The following LRRIQ1 variants were observed in gnomAD, a reference collection of about 807,000 sequenced individuals.
The protein encoded by LRRIQ1 is leucine rich repeats and IQ motif containing 1, also known as leucine-rich repeat- and IQ domain-containing protein 1.
A neutral mutation model predicts 211.9 loss-of-function variants in LRRIQ1; 210 were observed. That is an observed-to-expected ratio of 0.99 (90% CI 0.89 to 1.11). The LOEUF (loss-of-function observed/expected upper bound fraction) is 1.11, where lower values mean the gene tolerates loss of function less well. Among genes scored for constraint, LRRIQ1 ranks in the 50% most tolerant of loss-of-function variants. The pLI, the probability that LRRIQ1 is intolerant of heterozygous loss-of-function variation, is 0.00. For synonymous variants in LRRIQ1, 699 were observed against 650.1 expected, an observed-to-expected ratio of 1.08 and a Z score of -1.14; for missense variants, 2,136 against 1,939.5, an observed-to-expected ratio of 1.10 and a Z score of -1.90.
chr12:85,174,390 A>G (rs1382535921), intron 24 of LRRIQ1, among the ~76,000 whole-genome samples: 1 of 151,950 alleles, frequency 6.6e-6, no homozygotes, highest in Non-Finnish European at 1.5e-5. Flanking sequence ...GAGGTCCAAC[A>G]TTTGATAAAT....
intron 2 of LRRIQ1, among the ~76,000 whole-genome samples, chr12:85,038,916 A>T (rs141593429): frequency 2.6e-5 from 4 of 151,114 alleles, no homozygotes; most frequent in African/African-American, 9.7e-5. Context: ...TTATTTTCCT[A>T]CTGTTGTATA....
intron 11 of LRRIQ1, among the ~76,000 whole-genome samples, chr12:85,097,713 C>T (rs745896542): frequency 6.6e-6 from 1 of 152,144 alleles, no homozygotes; most frequent in Non-Finnish European, 1.5e-5. Context: ...AAACTTTACA[C>T]ACTTCCTCAG....
At chr12:85,200,488 G>A (rs548689808) in intron 24 of LRRIQ1, among the ~76,000 whole-genome samples, 1 of 152,186 alleles carries the variant, frequency 6.6e-6, no homozygotes, top group African/African-American at 2.4e-5. Context: ...ATGACTTCCA[G>A]TACTATGTTA....
chr12:85,215,519 T>C (rs1336027468), intron 24 of LRRIQ1, among the ~76,000 whole-genome samples: 1 of 152,114 alleles, frequency 6.6e-6, no homozygotes, highest in African/African-American at 2.4e-5. Flanking sequence ...CAACCTCCAA[T>C]AGGCCCCAAT....
Position 85,084,091 on chromosome 12 carries a change from T to C in LRRIQ1, c.2887+10993T>C, listed in dbSNP as rs1208278669. ...CAGAGTAAAGCTATTTTTGGAAAAA[T>C]AGATTTTCATATTTGTAAAAATGTA... On this transcript the variant is annotated intron_variant, in intron 11 of 26. Transcript: ENST00000393217. Among the ~76,000 whole-genome samples, 8 of 152,140 alleles carry C rather than the reference T, an allele frequency of 5.3e-5. 1 individual carries two copies. Among genetic ancestry groups the C allele is most frequent in the Admixed American group, 4.6e-4 (7 of 15,270 alleles).
chr12:85,244,799 T>C lies in LRRIQ1; in HGVS notation c.5027T>C (p.Val1676Ala), dbSNP rs1895641033. The change falls in exon 27 of 27, where the codon GTA (valine) becomes GCA (alanine). Residue 1676 changes from valine to alanine, a missense_variant. Coordinates refer to ENST00000393217, the MANE Select transcript of LRRIQ1 (RefSeq NM_001079910.2). ...TTCCATTGCTCCCAGGCAAGACTTG[T>C]AAGCAGAGAAGACACGGATTTAGAC... ...GGRVQLVARL[V>A]SREDTDLDLF... 6.2e-7 allele frequency: 1 copy of C among 1,611,244 alleles called. No homozygotes were observed. The highest frequency in any genetic ancestry group is 8.5e-7 in the Non-Finnish European group (1 of 1,178,028).
intron 6 of LRRIQ1, among the ~76,000 whole-genome samples, chr12:85,049,172 A>G (rs1880002413): frequency 6.6e-6 from 1 of 152,162 alleles, no homozygotes; most frequent in Admixed American, 6.5e-5. Flanking sequence ...CTCTAAATAT[A>G]TAATTTACTT....
At chr12:85,130,065 T>C (rs958714439) in intron 18 of LRRIQ1, among the ~76,000 whole-genome samples, 11 of 152,020 alleles carry the variant, frequency 7.2e-5, no homozygotes, top group Non-Finnish European at 1.6e-4. Context: ...GGCCTTAAAA[T>C]TCAGAAAAAA....
intron 11 of LRRIQ1, among the ~76,000 whole-genome samples, chr12:85,076,338 TAAAA>T (rs1053872329): frequency 1.5e-4 from 23 of 151,962 alleles, no homozygotes; most frequent in African/African-American, 5.3e-4. Context: ...TGAATAAAAA[TAAAA>T]ATAAATATAA....
At chr12:85,254,885 C>T (rs1319106759) in intron 1 of LRRIQ1, among the ~76,000 whole-genome samples, 1 of 151,790 alleles carries the variant, frequency 6.6e-6, no homozygotes, top group Non-Finnish European at 1.5e-5. Context: ...TTACAAAGAA[C>T]TTGAGGAGTG....
rs201365459 is a variant in LRRIQ1, at chr12:85,087,737, G to A, written c.2888-10618G>A. Among the ~76,000 whole-genome samples, 56 of 152,044 alleles carry A rather than the reference G, an allele frequency of 3.7e-4. 2 individuals carry two copies. The East Asian group carries it at 9.3e-3, about 25-fold the overall frequency. ...TCATGTGTCTGTTGGCTGCATAAATGTCTTCTTTTGAGAAGTGTCTGTTCA... is the reference window on the plus strand; with the variant it reads ...TCATGTGTCTGTTGGCTGCATAAATATCTTCTTTTGAGAAGTGTCTGTTCA... On this transcript the variant is annotated intron_variant, in intron 11 of 26. Transcript: ENST00000393217.
intron 6 of LRRIQ1, among the ~76,000 whole-genome samples, chr12:85,049,556 A>G (rs1023958478): frequency 2.6e-5 from 4 of 152,134 alleles, no homozygotes; most frequent in African/African-American, 9.7e-5. Context: ...GTTTATAAGC[A>G]TGTTCAATTT....
At chr12:85,224,833 A>C (rs1046033254) in intron 24 of LRRIQ1, among the ~76,000 whole-genome samples, 1 of 152,130 alleles carries the variant, frequency 6.6e-6, no homozygotes, top group African/African-American at 2.4e-5. Flanking sequence ...GTGTATAGTT[A>C]TATAACAAAA....
chr12:85,262,627 G>T (rs990268059), intron 1 of LRRIQ1, among the ~76,000 whole-genome samples: 1 of 151,906 alleles, frequency 6.6e-6, no homozygotes, highest in Non-Finnish European at 1.5e-5. Flanking sequence ...TCATTTTATA[G>T]TTGTGAAACA....
chr12:85,211,806 T>C (rs1893849997), intron 24 of LRRIQ1, among the ~76,000 whole-genome samples: 1 of 152,292 alleles, frequency 6.6e-6, no homozygotes, highest in East Asian at 1.9e-4. Flanking sequence ...CATTCATAAA[T>C]GATGGGCAAT....
chr12:85,201,243 C>CT (rs752459984), intron 24 of LRRIQ1, among the ~76,000 whole-genome samples: 1,311 of 110,324 alleles, frequency 0.012, 15 homozygotes, highest in African/African-American at 0.031. Context: ...TCTTTCTCTT[C>CT]TTTTTTTTTT....
chr12:85,148,047 A>G (rs1890004737), intron 19 of LRRIQ1, among the ~76,000 whole-genome samples: 1 of 151,856 alleles, frequency 6.6e-6, no homozygotes, highest in South Asian at 2.1e-4. Flanking sequence ...TCCAAGTTCA[A>G]CTTCATTTTC....
chr12:85,239,568 A>G (rs1376510021), intron 26 of LRRIQ1, among the ~76,000 whole-genome samples: 1 of 152,092 alleles, frequency 6.6e-6, no homozygotes, highest in Admixed American at 6.6e-5. Flanking sequence ...TTCTACACAT[A>G]GTGCTGGACA....
chr12:85,059,635 G>C (rs542099499), intron 8 of LRRIQ1, among the ~76,000 whole-genome samples: 1 of 152,118 alleles, frequency 6.6e-6, no homozygotes, highest in South Asian at 2.1e-4. Context: ...ACTATCTCTT[G>C]TCAGGAACTA....
Sources: allele counts gnomAD v4.1 joint callset (sites outside exome capture counted in the v4.1 genomes callset), GRCh38; gene constraint gnomAD v4.1.1; transcripts MANE v1.5; gene names NCBI Gene and HGNC (gene_info 2026-07-23, HGNC 2026-07-21).